Variants in SYNPO2 observed in about 807,000 individuals in gnomAD.
The protein encoded by SYNPO2 is synaptopodin 2.
Under a neutral mutation model 85.0 loss-of-function variants are expected in SYNPO2, and 56 were observed. That is an observed-to-expected ratio of 0.66 (90% CI 0.53 to 0.82). The LOEUF is 0.82. Among genes scored for constraint, SYNPO2 ranks in the 40% least tolerant of loss-of-function variants. The probability of loss-of-function intolerance (pLI) is 0.00; values close to 1 mark genes in which losing one functional copy is unlikely to be tolerated. For synonymous variants in SYNPO2, 602 were observed against 591.1 expected (o/e 1.02, Z -0.27); for missense variants, 1,575 against 1,534.2 (o/e 1.03, Z -0.44).
At chr4:118,943,938 A>T (rs1734411495) in intron 1 of SYNPO2, among the ~76,000 whole-genome samples, 1 of 152,224 alleles carries the variant, frequency 6.6e-6, no homozygotes. Flanking sequence ...TGTTGCTTTC[A>T]GTGCTACATA....
At chr4:118,917,025 G>A (rs185979878) in intron 1 of SYNPO2, among the ~76,000 whole-genome samples, 111 of 152,086 alleles carry the variant, frequency 7.3e-4, no homozygotes, top group East Asian at 6.4e-3. Context: ...CTGAGCCACC[G>A]TGCCCCGCCC....
rs574421438 is a variant in SYNPO2 at position 118,888,896 on chromosome 4, C to T, written c.-141C>T. On this transcript the variant is annotated 5_prime_UTR_variant, in exon 1 of 5. Transcript: ENST00000307142. ...GCGGCTGGGGCGGCGGCTGGGGCAG[C>T]GGCTGCAGCAGCGGCGGACGCTCTG... The T allele has an allele frequency of 3.9e-5, 32 of 827,020 alleles. No homozygotes were observed. The highest frequency in any genetic ancestry group is 7.7e-5 in the South Asian group (5 of 65,340). The allele number at this position is 827,020 out of a possible 1,614,324, so 51.2% of individuals were successfully genotyped here. A position where few individuals can be genotyped will look rare whatever the true frequency, so the allele number is the denominator to read the frequency against.
chr4:119,040,800 G>C (rs1738685877), intron 4 of SYNPO2, among the ~76,000 whole-genome samples: 1 of 152,316 alleles, frequency 6.6e-6, no homozygotes, highest in East Asian at 1.9e-4. Context: ...CCCCACTTCA[G>C]ACCTGCAACA....
rs1738024375 is a variant in SYNPO2 at position 119,027,530 on chromosome 4, T to G, written c.1069+92T>G. On this transcript the variant is annotated intron_variant, in intron 3 of 4. Coordinates refer to ENST00000307142, the MANE Select transcript of SYNPO2 (RefSeq NM_133477.3). ...CATGAGTTTTTCAGCAAGATTTTTC[T>G]TATGTTTCTCATTGGCTTAAAGAAA... 22 of 1,225,336 alleles carry G rather than the reference T, an allele frequency of 1.8e-5. No homozygotes were observed. The South Asian group carries it at 3.7e-4, about 21-fold the overall frequency. The allele number at this position is 1,225,336 out of a possible 1,614,324, so 75.9% of individuals were successfully genotyped here.
At position 118,949,750 on chromosome 4, in the gene SYNPO2, A is replaced by AAAAATAAAATAAAATAAAAT. The variant is rs76494884; in HGVS notation, c.105+60615_105+60634dup. Among the ~76,000 whole-genome samples the AAAAATAAAATAAAATAAAAT allele has an allele frequency of 8.6e-5, 13 of 151,414 alleles. 1 individual carries two copies. In the South Asian group the frequency reaches 1.7e-3, roughly 20 times the overall value. Reference sequence around the variant, plus strand: ...GGCGACAGAGCAAGACTCTGTCTCAAAAAATAAAATAAAATAAAATAAAAT... The same window carrying AAAAATAAAATAAAATAAAAT: ...GGCGACAGAGCAAGACTCTGTCTCAAAAAATAAAATAAAATAAAATAAAATAAAATAAAATAAAATAAAAT... On this transcript the variant is annotated intron_variant, in intron 1 of 4. Transcript: ENST00000307142.
At chr4:118,928,873 A>C (rs935675257) in intron 1 of SYNPO2, among the ~76,000 whole-genome samples, 2 of 152,202 alleles carry the variant, frequency 1.3e-5, no homozygotes, top group African/African-American at 4.8e-5. Context: ...TTTCTTGTTC[A>C]TGAACTAAGC....
In SYNPO2 at chr4:119,031,927, T is replaced by C. The variant is rs1738291118; in HGVS notation, c.3152T>C (p.Val1051Ala). The stretch of plus-strand genomic sequence containing the variant: ...CCAGTCAGTGCATCCCCAGTGCCTG[T>C]GGGCATTCCCACCTCGCCAAAGCAA... The part of the protein sequence containing the change: ...SSPVSASPVP[V>A]GIPTSPKQES... The change falls in exon 4 of 5, where the codon GTG (valine) becomes GCG (alanine). Residue 1051 changes from valine to alanine, a missense_variant. Physicochemically the swap from Val to Ala is moderately conservative, Grantham distance 64. Transcript: ENST00000307142. 6.2e-7 allele frequency: 1 copy of C among 1,614,232 alleles called. No individual in the cohort carries two copies. Among genetic ancestry groups the C allele is most frequent in the African/African-American group, 1.3e-5 (1 of 75,052 alleles).
intron 1 of SYNPO2, among the ~76,000 whole-genome samples, chr4:119,012,134 G>A (rs1168074032): frequency 2.0e-5 from 3 of 151,840 alleles, no homozygotes; most frequent in Admixed American, 2.0e-4. Flanking sequence ...TGTTGGCCAG[G>A]CTGGTCTTGA....
intron 1 of SYNPO2, among the ~76,000 whole-genome samples, chr4:118,994,500 A>C (rs1434494487): frequency 1.3e-5 from 2 of 152,212 alleles, no homozygotes; most frequent in Non-Finnish European, 2.9e-5. Flanking sequence ...ATGGAGTGAC[A>C]ATTGGGTTAG....
At chr4:118,955,138 T>G (rs1306799353) in intron 1 of SYNPO2, among the ~76,000 whole-genome samples, 1 of 151,960 alleles carries the variant, frequency 6.6e-6, no homozygotes, top group Non-Finnish European at 1.5e-5. Context: ...TAGCTGGGAT[T>G]ACAAGCACTC....
At chr4:118,850,814 G>C in exon 1 of SYNPO2, 1 of 398,610 alleles carries the variant, frequency 2.5e-6, no homozygotes, top group Non-Finnish European at 4.4e-6. Flanking sequence ...ATTGGTGAGG[G>C]AGACTGTCAT....
chr4:118,943,131 T>C (rs1017335335), intron 1 of SYNPO2, among the ~76,000 whole-genome samples: 2 of 150,080 alleles, frequency 1.3e-5, no homozygotes, highest in African/African-American at 2.4e-5. Context: ...GTCAATAGTG[T>C]TGAGGTTGAA....
At chr4:118,933,997 G>A (rs1226893958) in intron 1 of SYNPO2, among the ~76,000 whole-genome samples, 1 of 151,990 alleles carries the variant, frequency 6.6e-6, no homozygotes, top group African/African-American at 2.4e-5. Flanking sequence ...GATACTGATG[G>A]TTATAGAGAC....
intron 1 of SYNPO2, among the ~76,000 whole-genome samples, chr4:119,006,714 A>G (rs1243027079): frequency 6.6e-6 from 1 of 152,194 alleles, no homozygotes; most frequent in Non-Finnish European, 1.5e-5. Context: ...TGTTTTCTTT[A>G]TAACACTTGT....
intron 1 of SYNPO2, 51 bp from the exon 2 acceptor site, chr4:119,023,379 T>A: frequency 1.3e-6 from 2 of 1,537,372 alleles, no homozygotes; most frequent in African/African-American, 2.8e-5. Context: ...GGTGGCTTGC[T>A]TTTTACAAAT....
intron 1 of SYNPO2, among the ~76,000 whole-genome samples, chr4:119,007,258 A>ATATG (rs1481243529): frequency 4.1e-5 from 2 of 48,212 alleles, no homozygotes; most frequent in East Asian, 1.2e-3. Flanking sequence ...ATATACATAT[A>ATATG]TATATATATA....
intron 4 of SYNPO2, among the ~76,000 whole-genome samples, chr4:119,050,481 T>G (rs944460996): frequency 1.3e-5 from 2 of 152,196 alleles, no homozygotes; most frequent in African/African-American, 4.8e-5. Context: ...ATTACTTACT[T>G]TCTTCAAATC....
chr4:118,851,317 G>T (rs902489208), intron 1 of SYNPO2, among the ~76,000 whole-genome samples: 1 of 152,042 alleles, frequency 6.6e-6, no homozygotes, highest in Non-Finnish European at 1.5e-5. Flanking sequence ...GAGAAACCCC[G>T]TCTCTACTAA....
chr4:118,990,030 A>G (rs1163244046), intron 1 of SYNPO2, among the ~76,000 whole-genome samples: 1 of 152,250 alleles, frequency 6.6e-6, no homozygotes. Flanking sequence ...ACATTAAAAC[A>G]TCAAGCATAA....
Sources: allele counts gnomAD v4.1 joint callset (sites outside exome capture counted in the v4.1 genomes callset), GRCh38; gene constraint gnomAD v4.1.1; transcripts MANE v1.5; gene names NCBI Gene and HGNC (gene_info 2026-07-23, HGNC 2026-07-21).